The following NALF1 variants were observed in gnomAD, a reference collection of about 807,000 sequenced individuals.
The protein encoded by NALF1 is family with sequence similarity 155 member A.
A neutral mutation model predicts 48.4 loss-of-function variants in NALF1; 3 were observed. The observed-to-expected ratio is 0.06, with a 90% CI of 0.03 to 0.16. NALF1 has a LOEUF of 0.16. Among genes scored for constraint, NALF1 ranks in the 10% least tolerant of loss-of-function variants. The pLI is 1.00. For synonymous variants in NALF1, 262 were observed against 245.7 expected (o/e 1.07, Z -0.62); for missense variants, 526 against 571.5 (o/e 0.92, Z 0.81).
intron 1 of NALF1, among the ~76,000 whole-genome samples, chr13:107,598,045 G>A (rs1878806509): frequency 6.6e-6 from 1 of 152,104 alleles, no homozygotes; most frequent in African/African-American, 2.4e-5. Flanking sequence ...AATTTTTCTA[G>A]GTAATGTGAT....
intron 1 of NALF1, among the ~76,000 whole-genome samples, chr13:107,578,598 C>T (rs1878217236): frequency 6.6e-6 from 1 of 152,146 alleles, no homozygotes; most frequent in South Asian, 2.1e-4. Flanking sequence ...TGCCTTGATG[C>T]TTTCCATAAA....
intron 2 of NALF1, among the ~76,000 whole-genome samples, chr13:107,174,359 A>ATTT (rs555073785): frequency 1.9e-4 from 27 of 141,390 alleles, no homozygotes; most frequent in South Asian, 9.0e-4. Context: ...TTATTTATTT[A>ATTT]TTTATTTTTT....
In NALF1 at chr13:107,854,858, G is replaced by A. The variant is rs1042408610; in HGVS notation, c.915+10824C>T. ...CACTGCACTTCAGCCTGGCGACACA[G>A]GTTCCATCTCAAAAAAAAAAAAAAA... On this transcript the variant is annotated intron_variant, in intron 1 of 2. Coordinates refer to ENST00000375915, the MANE Select transcript of NALF1 (RefSeq NM_001080396.3). Among the ~76,000 whole-genome samples, 31 of 145,794 alleles carry A rather than the reference G, an allele frequency of 2.1e-4. No homozygotes were observed. The South Asian group carries it at 6.1e-3, about 29-fold the overall frequency.
At chr13:107,452,895 T>C (rs868722979) in intron 1 of NALF1, among the ~76,000 whole-genome samples, 6 of 152,162 alleles carry the variant, frequency 3.9e-5, no homozygotes, top group South Asian at 2.1e-4. Context: ...ACAAAGAAGC[T>C]ACAGGCCCCA....
chr13:107,175,696 T>TCAC (rs1189280128), intron 2 of NALF1, among the ~76,000 whole-genome samples: 26 of 152,310 alleles, frequency 1.7e-4, no homozygotes, highest in African/African-American at 5.5e-4. Flanking sequence ...CTTTGCCTTA[T>TCAC]ATAGAGTCAG....
chr13:107,554,619 G>A (rs1050119232), intron 1 of NALF1, among the ~76,000 whole-genome samples: 3 of 152,190 alleles, frequency 2.0e-5, no homozygotes, highest in Non-Finnish European at 4.4e-5. Flanking sequence ...AGTTGCCAAA[G>A]CAGGCCCTGG....
intron 1 of NALF1, among the ~76,000 whole-genome samples, chr13:107,735,823 G>A (rs1044109509): frequency 2.0e-5 from 3 of 152,112 alleles, no homozygotes; most frequent in Non-Finnish European, 4.4e-5. Flanking sequence ...GGGAAATACC[G>A]CAGGCTTTGG....
At chr13:107,458,456 A>G (rs1016070772) in intron 1 of NALF1, among the ~76,000 whole-genome samples, 1 of 152,210 alleles carries the variant, frequency 6.6e-6, no homozygotes, top group African/African-American at 2.4e-5. Flanking sequence ...TGTCGCCGGC[A>G]ATACAGGGAT....
rs1566497144 is a variant in NALF1, at chr13:107,826,015, G to A, written c.915+39667C>T. Among the ~76,000 whole-genome samples, 4 of 152,274 alleles carry A rather than the reference G, an allele frequency of 2.6e-5. No individual in the cohort carries two copies. In the South Asian group the frequency reaches 6.2e-4, roughly 24 times the overall value. On this transcript the variant is annotated intron_variant, in intron 1 of 2. Transcript: ENST00000375915. The stretch of plus-strand genomic sequence containing the variant: ...AGGCTGGCCTCAATCTCTTGACCTC[G>A]TGACCTGCCCACCTCTGCCTCCCAA...
chr13:107,569,871 G>T (rs941580634), intron 1 of NALF1, among the ~76,000 whole-genome samples: 11 of 152,078 alleles, frequency 7.2e-5, no homozygotes, highest in African/African-American at 2.7e-4. Context: ...TCCAATACAT[G>T]AACATGATAT....
At chr13:107,300,462 G>A (rs766654441) in intron 1 of NALF1, among the ~76,000 whole-genome samples, 1 of 152,090 alleles carries the variant, frequency 6.6e-6, no homozygotes, top group Non-Finnish European at 1.5e-5. Context: ...AGCTCATTTG[G>A]ACAATTAGAA....
intron 1 of NALF1, among the ~76,000 whole-genome samples, chr13:107,736,347 G>A (rs139021066): frequency 1.3e-5 from 2 of 152,262 alleles, no homozygotes; most frequent in East Asian, 3.9e-4. Context: ...ATGCTTTCTT[G>A]TTGGAGTTTG....
chr13:107,234,046 A>G (rs2138827839), intron 1 of NALF1, among the ~76,000 whole-genome samples: 1 of 152,338 alleles, frequency 6.6e-6, no homozygotes, highest in East Asian at 1.9e-4. Context: ...TGGATTTTCC[A>G]GTAGTTCATA....
intron 1 of NALF1, among the ~76,000 whole-genome samples, chr13:107,222,738 C>T (rs909572071): frequency 2.0e-5 from 3 of 152,122 alleles, no homozygotes; most frequent in African/African-American, 7.2e-5. Flanking sequence ...AGGCAAGACC[C>T]GAATATTAAC....
intron 1 of NALF1, among the ~76,000 whole-genome samples, chr13:107,668,679 A>C (rs558798750): frequency 6.6e-6 from 1 of 152,222 alleles, no homozygotes; most frequent in East Asian, 1.9e-4. Flanking sequence ...TAAACTCAGG[A>C]GCAACTCTGT....
At chr13:107,816,715 CAA>C (rs1223134983) in intron 1 of NALF1, among the ~76,000 whole-genome samples, 1 of 152,024 alleles carries the variant, frequency 6.6e-6, no homozygotes, top group African/African-American at 2.4e-5. Flanking sequence ...AAGCATATGA[CAA>C]AGTTTGCTGA....
At chr13:107,265,615 A>G (rs1408413249) in intron 1 of NALF1, among the ~76,000 whole-genome samples, 2 of 152,004 alleles carry the variant, frequency 1.3e-5, no homozygotes, top group African/African-American at 4.8e-5. Flanking sequence ...TATGTTGGCC[A>G]AGCTGGTCAC....
intron 1 of NALF1, among the ~76,000 whole-genome samples, chr13:107,527,093 T>G (rs1876472523): frequency 6.6e-6 from 1 of 152,130 alleles, no homozygotes; most frequent in East Asian, 1.9e-4. Context: ...CCCAGTGAAA[T>G]TTCAAACACA....
At position 107,866,222 on chromosome 13, in the gene NALF1, G is replaced by A; in HGVS notation, c.375C>T (p.Ala125=). The A allele has an allele frequency of 1.3e-6, 2 of 1,596,448 alleles. No individual in the cohort carries two copies. Among genetic ancestry groups the A allele is most frequent in the Non-Finnish European group, 1.7e-6 (2 of 1,172,416 alleles). The change falls in exon 1 of 3, where the codon GCC becomes GCT. Residue 125 remains alanine, a synonymous_variant. Transcript: ENST00000375915. This position sits in a 1 kb window ranked among gnomAD's most constrained non-coding sequence, Gnocchi z 4.4. ...AGGGGGGCAGGGTGGGGGACGAGGA[G>A]GCGGAGAGGAGTCTGTGTGCCTGGG... ...PAAQAHRLLS[A]SSSPTLPPSP...
Sources: allele counts gnomAD v4.1 joint callset (sites outside exome capture counted in the v4.1 genomes callset), GRCh38; gene constraint gnomAD v4.1.1; non-coding constraint Gnocchi (gnomAD v3.1); transcripts MANE v1.5; gene names NCBI Gene and HGNC (gene_info 2026-07-23, HGNC 2026-07-21).